TBC1D22B: variants seen among roughly 807,000 people sequenced by gnomAD.
TBC1D22B encodes chromosome 6 open reading frame 197.
TBC1D22B carries 32 observed loss-of-function variants against 69.1 expected under a neutral mutation model. That is an observed-to-expected ratio of 0.46 (90% CI 0.35 to 0.62). The LOEUF (loss-of-function observed/expected upper bound fraction) is 0.62. TBC1D22B is among the 20% of genes least tolerant of loss of function. TBC1D22B has a pLI of 0.00. For synonymous variants in TBC1D22B, 206 were observed against 229.8 expected, an observed-to-expected ratio of 0.90 and a Z score of 0.94; for missense variants, 462 against 630.9, an observed-to-expected ratio of 0.73 and a Z score of 2.87.
intron 12 of TBC1D22B, among the ~76,000 whole-genome samples, chr6:37,329,464 C>T (rs1214624244): frequency 6.6e-6 from 1 of 152,226 alleles, no homozygotes; most frequent in Admixed American, 6.5e-5. Context: ...TACCTTTGTA[C>T]ACACAGTAGT....
chr6:37,268,787 A>G (rs1439287940), intron 1 of TBC1D22B, among the ~76,000 whole-genome samples: 3 of 152,260 alleles, frequency 2.0e-5, no homozygotes, highest in Non-Finnish European at 2.9e-5. Context: ...AAGTCGAATC[A>G]TAACAGTATT....
chr6:37,297,636 C>G (rs531184424), intron 8 of TBC1D22B, among the ~76,000 whole-genome samples: 1 of 152,210 alleles, frequency 6.6e-6, no homozygotes, highest in Non-Finnish European at 1.5e-5. Context: ...ATTTAATGCT[C>G]TAAAGCAGGC....
intron 12 of TBC1D22B, among the ~76,000 whole-genome samples, chr6:37,321,900 G>T (rs912468094): frequency 6.6e-6 from 1 of 152,154 alleles, no homozygotes; most frequent in Non-Finnish European, 1.5e-5. Flanking sequence ...AATTGGGTGT[G>T]TACTTATGTA....
intron 8 of TBC1D22B, among the ~76,000 whole-genome samples, chr6:37,310,044 A>G (rs1767854083): frequency 1.4e-5 from 2 of 147,094 alleles, no homozygotes; most frequent in Non-Finnish European, 3.0e-5. Flanking sequence ...TTATATTTAC[A>G]TAATTTTATT....
intron 1 of TBC1D22B, among the ~76,000 whole-genome samples, chr6:37,259,820 C>G (rs1241362841): frequency 6.6e-6 from 1 of 152,100 alleles, no homozygotes; most frequent in East Asian, 1.9e-4. Flanking sequence ...AATAAAAATA[C>G]TTTCCTCAGA....
At chr6:37,261,090 A>G (rs1766082137) in intron 1 of TBC1D22B, among the ~76,000 whole-genome samples, 1 of 152,188 alleles carries the variant, frequency 6.6e-6, no homozygotes, top group Admixed American at 6.5e-5. Flanking sequence ...CCATTTACTT[A>G]GCACATCAAA....
At position 37,313,582 on chromosome 6, in the gene TBC1D22B, GCTCCTT is replaced by G. The variant is rs1767992350; in HGVS notation, c.1090-233_1090-228del. 9.2e-5 allele frequency among the ~76,000 whole-genome samples: 14 copies of G among 152,142 alleles called. No homozygotes were observed. In the South Asian group the frequency reaches 2.9e-3, roughly 32 times the overall value. ...CTTGACTTCGTCTTTGGAGTAGACT[GCTCCTT>G]TCTGCTCTGTACCCCAAGCACATGG... On this transcript the variant is annotated intron_variant, in intron 9 of 12. Coordinates refer to ENST00000373491, the MANE Select transcript of TBC1D22B (RefSeq NM_017772.4).
intron 8 of TBC1D22B, among the ~76,000 whole-genome samples, chr6:37,301,580 T>C (rs1303143563): frequency 6.6e-6 from 1 of 152,234 alleles, no homozygotes; most frequent in African/African-American, 2.4e-5. Flanking sequence ...ACTTCATTCT[T>C]TTCTATGGCC....
intron 1 of TBC1D22B, among the ~76,000 whole-genome samples, chr6:37,262,030 CCT>C (rs371147238): frequency 0.012 from 1,048 of 91,002 alleles, 44 homozygotes; most frequent in African/African-American, 0.036. Context: ...AAAAAAATCA[CCT>C]TTTTTTTTTT....
chr6:37,318,270 T>C (rs965484506), intron 12 of TBC1D22B, among the ~76,000 whole-genome samples: 3 of 152,178 alleles, frequency 2.0e-5, no homozygotes, highest in African/African-American at 7.2e-5. Flanking sequence ...CAACAAGATT[T>C]CCTGATGAAT....
chr6:37,300,507 A>G (rs1467287767), intron 8 of TBC1D22B, among the ~76,000 whole-genome samples: 1 of 152,126 alleles, frequency 6.6e-6, no homozygotes, highest in Non-Finnish European at 1.5e-5. Flanking sequence ...AACTACAGGC[A>G]TCGCCACTAT....
chr6:37,325,075 A>G (rs2113792823), intron 12 of TBC1D22B, among the ~76,000 whole-genome samples: 1 of 152,282 alleles, frequency 6.6e-6, no homozygotes, highest in Middle Eastern at 3.4e-3. Flanking sequence ...TTTATTGGAC[A>G]GTCTGCAGTG....
chr6:37,291,703 A>G (rs6919142), intron 8 of TBC1D22B, among the ~76,000 whole-genome samples: 4,846 of 152,278 alleles, frequency 0.032, 242 homozygotes, highest in African/African-American at 0.11. Context: ...TTGGACATCA[A>G]GCCTGCACAC....
chr6:37,297,093 C>T (rs1767406914), intron 8 of TBC1D22B, among the ~76,000 whole-genome samples: 1 of 152,158 alleles, frequency 6.6e-6, no homozygotes, highest in Non-Finnish European at 1.5e-5. Context: ...TCCTAAAGTG[C>T]TGGGATTACA....
In TBC1D22B at chr6:37,279,543, C is replaced by T; in HGVS notation, c.353C>T (p.Thr118Ile). ...RVKPERSQST[T>I]SDVPANYKVI... ...AAACCAGAACGGTCCCAGTCAACGA[C>T]ATCGGACGTCCCTGCCAACTACAAG... Residue 118 changes from threonine to isoleucine, a missense_variant, in exon 3 of 13, where the codon ACA (threonine) becomes ATA (isoleucine). This residue lies in a region of TBC1D22B where 237 missense variants were observed against 255.4 expected (regional missense o/e 0.93). Transcript: ENST00000373491. The T allele has an allele frequency of 1.2e-6, 2 of 1,614,254 alleles. No individual in the cohort carries two copies. Among genetic ancestry groups the T allele is most frequent in the South Asian group, 1.1e-5 (1 of 91,088 alleles).
In TBC1D22B at chr6:37,280,904, A is replaced by C. The variant is rs145967530; in HGVS notation, c.422-1281A>C. 2.4e-3 allele frequency among the ~76,000 whole-genome samples: 359 copies of C among 149,068 alleles called. 1 individual carries two copies. Among genetic ancestry groups the C allele is most frequent in the African/African-American group, 8.2e-3 (331 of 40,146 alleles). On this transcript the variant is annotated intron_variant, in intron 3 of 12. Coordinates refer to ENST00000373491, the MANE Select transcript of TBC1D22B (RefSeq NM_017772.4). The stretch of plus-strand genomic sequence containing the variant: ...CACTGCATCTGTCTGTAAATAGGTA[A>C]TATGAAATTTACCTCTGTCTCAGCT...
intron 9 of TBC1D22B, 46 bp from the exon 10 acceptor site, chr6:37,313,770 C>A: frequency 6.3e-7 from 1 of 1,576,310 alleles, no homozygotes; most frequent in Non-Finnish European, 8.7e-7. Flanking sequence ...CAGGTGATAA[C>A]ACAAGTTAGA....
chr6:37,303,029 G>A (rs1767613285), intron 8 of TBC1D22B, among the ~76,000 whole-genome samples: 1 of 152,186 alleles, frequency 6.6e-6, no homozygotes, highest in African/African-American at 2.4e-5. Context: ...CCAGTATGGA[G>A]AAGGAAAGGA....
intron 8 of TBC1D22B, among the ~76,000 whole-genome samples, chr6:37,296,436 A>G (rs1008801027): frequency 6.6e-6 from 1 of 152,130 alleles, no homozygotes; most frequent in African/African-American, 2.4e-5. Context: ...TGTAGCCTCA[A>G]TCTGCTGGCT....
Sources: allele counts gnomAD v4.1 joint callset (sites outside exome capture counted in the v4.1 genomes callset), GRCh38; gene constraint gnomAD v4.1.1; regional missense constraint gnomAD v4.1.1; transcripts MANE v1.5; gene names NCBI Gene and HGNC (gene_info 2026-07-23, HGNC 2026-07-21).